The following PDZRN4 variants were observed in gnomAD, a reference collection of about 807,000 sequenced individuals.
PDZRN4 encodes PDZ domain-containing RING finger protein 4.
In PDZRN4, 70 loss-of-function variants were observed where a neutral mutation model predicts 99.0. That is an observed-to-expected ratio of 0.71 (90% CI 0.58 to 0.86). The LOEUF (loss-of-function observed/expected upper bound fraction) is 0.86. Ranked by LOEUF, PDZRN4 falls within the 40% of genes least tolerant of loss-of-function variation. The probability of loss-of-function intolerance (pLI) is 0.00; values close to 1 mark genes in which losing one functional copy is unlikely to be tolerated. For missense variants in PDZRN4, 1,474 were observed against 1,331.2 expected (o/e 1.11, Z -1.67); for synonymous variants, 551 against 501.6 (o/e 1.10, Z -1.32).
At chr12:41,363,545 A>T (rs531378961) in intron 3 of PDZRN4, among the ~76,000 whole-genome samples, 14 of 151,986 alleles carry the variant, frequency 9.2e-5, no homozygotes, top group Non-Finnish European at 1.9e-4. Context: ...TCTGTTCCAG[A>T]TGCATCTGTT....
chr12:41,570,410 C>T (rs1008813977), intron 9 of PDZRN4, among the ~76,000 whole-genome samples: 1 of 151,950 alleles, frequency 6.6e-6, no homozygotes, highest in Non-Finnish European at 1.5e-5. Context: ...TGTTCATAGA[C>T]CAATAACAAG....
intron 3 of PDZRN4, among the ~76,000 whole-genome samples, chr12:41,359,966 A>G (rs1244727226): frequency 6.6e-6 from 1 of 151,984 alleles, no homozygotes; most frequent in Non-Finnish European, 1.5e-5. Flanking sequence ...GAAGTTTTCC[A>G]TCGGGGGATA....
intron 3 of PDZRN4, among the ~76,000 whole-genome samples, chr12:41,296,012 G>T (rs1221284004): frequency 5.9e-5 from 9 of 151,944 alleles, no homozygotes. Flanking sequence ...TCTTGCTTGT[G>T]CCATAATTGA....
intron 3 of PDZRN4, among the ~76,000 whole-genome samples, chr12:41,319,090 C>T (rs1253588631): frequency 6.6e-6 from 1 of 152,126 alleles, no homozygotes; most frequent in Non-Finnish European, 1.5e-5. Context: ...ATCTTGAATG[C>T]TTCAGACCTC....
At chr12:41,385,033 A>T (rs78455438) in intron 3 of PDZRN4, among the ~76,000 whole-genome samples, 7,008 of 152,276 alleles carry the variant, frequency 0.046, 507 homozygotes, top group African/African-American at 0.16. Flanking sequence ...ACCACTTAGC[A>T]CCTACTTGAT....
At chr12:41,319,961 G>T (rs1240874409) in intron 3 of PDZRN4, among the ~76,000 whole-genome samples, 1 of 152,262 alleles carries the variant, frequency 6.6e-6, no homozygotes, top group African/African-American at 2.4e-5. Context: ...ACCTCCTATT[G>T]CTTCCCAGCA....
intron 5 of PDZRN4, among the ~76,000 whole-genome samples, chr12:41,526,208 A>G (rs996697619): frequency 2.0e-5 from 3 of 152,132 alleles, no homozygotes; most frequent in African/African-American, 4.8e-5. Flanking sequence ...TACTAAAACC[A>G]TATGTCTTAG....
intron 3 of PDZRN4, chr12:41,437,595 T>C (rs763647365): frequency 2.1e-5 from 7 of 335,144 alleles, no homozygotes; most frequent in Non-Finnish European, 3.5e-5. Flanking sequence ...CACCCCTCCC[T>C]GCTAACATGT....
intron 3 of PDZRN4, among the ~76,000 whole-genome samples, chr12:41,254,323 G>A (rs759465300): frequency 1.3e-5 from 2 of 151,936 alleles, no homozygotes; most frequent in African/African-American, 2.4e-5. Context: ...ATACCCAATA[G>A]GTAGGCTTTA....
At chr12:41,319,482 C>A (rs892928662) in intron 3 of PDZRN4, among the ~76,000 whole-genome samples, 1 of 152,090 alleles carries the variant, frequency 6.6e-6, no homozygotes, top group African/African-American at 2.4e-5. Flanking sequence ...CATCATTCTG[C>A]ACAAACTGCT....
At chr12:41,471,453 A>G (rs1307457292) in intron 3 of PDZRN4, among the ~76,000 whole-genome samples, 3 of 151,746 alleles carry the variant, frequency 2.0e-5, no homozygotes, top group Non-Finnish European at 4.4e-5. Flanking sequence ...TTACTTTGGC[A>G]GAGAGGATGA....
Position 41,499,144 on chromosome 12 carries a change from C to T in PDZRN4, c.844-7312C>T, listed in dbSNP as rs374023756. Among the ~76,000 whole-genome samples, 9 of 152,090 alleles carry T rather than the reference C, an allele frequency of 5.9e-5. No homozygotes were observed. In the East Asian group the frequency reaches 9.7e-4, roughly 16 times the overall value. On this transcript the variant is annotated intron_variant, in intron 3 of 9. Transcript: ENST00000402685. ...AGTCAGGATTGTGAGCAGAGCCAAG[C>T]AAGAGCTAGAGTCTTGGGGACTGGA...
chr12:41,196,103 T>G (rs137979076), intron 3 of PDZRN4, among the ~76,000 whole-genome samples: 2,457 of 151,922 alleles, frequency 0.016, 64 homozygotes, highest in African/African-American at 0.057. Context: ...AAACCTACTG[T>G]TTTTTTTAAA....
chr12:41,559,777 G>A (rs1005516468), intron 7 of PDZRN4, among the ~76,000 whole-genome samples: 2 of 152,126 alleles, frequency 1.3e-5, no homozygotes, highest in Non-Finnish European at 2.9e-5. Context: ...TATGTGTGGT[G>A]GGAGGGACCC....
intron 3 of PDZRN4, among the ~76,000 whole-genome samples, chr12:41,220,649 C>T (rs1332439899): frequency 6.6e-6 from 1 of 152,090 alleles, no homozygotes; most frequent in African/African-American, 2.4e-5. Context: ...TACAACTAGA[C>T]TCTGGTAAGG....
chr12:41,363,532 G>A (rs944528606), intron 3 of PDZRN4, among the ~76,000 whole-genome samples: 4 of 152,030 alleles, frequency 2.6e-5, no homozygotes, highest in Non-Finnish European at 5.9e-5. Context: ...TGTTTGGGAT[G>A]CATCTGTTCC....
At chr12:41,554,168 C>T (rs1939103852) in intron 6 of PDZRN4, among the ~76,000 whole-genome samples, 1 of 152,110 alleles carries the variant, frequency 6.6e-6, no homozygotes, top group African/African-American at 2.4e-5. Flanking sequence ...TAAGGAAACA[C>T]CTGTGGCATT....
chr12:41,330,634 G>T (rs535678858), intron 3 of PDZRN4, among the ~76,000 whole-genome samples: 7 of 151,928 alleles, frequency 4.6e-5, no homozygotes, highest in Non-Finnish European at 1.0e-4. Flanking sequence ...ATAAATTTTA[G>T]TTACTATTCC....
intron 3 of PDZRN4, among the ~76,000 whole-genome samples, chr12:41,291,949 G>A (rs552978476): frequency 6.6e-6 from 1 of 152,260 alleles, no homozygotes; most frequent in South Asian, 2.1e-4. Context: ...GAGGAAGGCA[G>A]GACCAGGATA....
Sources: gnomAD v4.1 joint callset for allele counts (sites outside exome capture counted in the v4.1 genomes callset) on GRCh38, gnomAD v4.1.1 for gene constraint, MANE v1.5 for transcripts, NCBI Gene and HGNC (gene_info 2026-07-23, HGNC 2026-07-21) for gene names.